The following NRG1 variants were observed in gnomAD, a reference collection of about 807,000 sequenced individuals.
NRG1 encodes neuregulin 1.
In NRG1, 18 loss-of-function variants were observed where a neutral mutation model predicts 63.8. The observed-to-expected ratio is 0.28, with a 90% CI of 0.19 to 0.42. The LOEUF (loss-of-function observed/expected upper bound fraction) is 0.42, where lower values mean the gene tolerates loss of function less well. Among genes scored for constraint, NRG1 ranks in the 10% least tolerant of loss-of-function variants. The pLI is 1.00. For missense variants in NRG1, 762 were observed against 814.7 expected, an observed-to-expected ratio of 0.94 and a Z score of 0.79; for synonymous variants, 302 against 301.3, an observed-to-expected ratio of 1.00 and a Z score of -0.02.
At chr8:31,991,151 G>A (rs185834216) in intron 1 of NRG1, among the ~76,000 whole-genome samples, 8 of 152,118 alleles carry the variant, frequency 5.3e-5, no homozygotes, top group African/African-American at 1.9e-4. Flanking sequence ...AAATGTAAAT[G>A]TCTGTCCTAA....
At chr8:32,356,219 A>G (rs1277782729) in intron 1 of NRG1, among the ~76,000 whole-genome samples, 1 of 152,226 alleles carries the variant, frequency 6.6e-6, no homozygotes, top group African/African-American at 2.4e-5. Flanking sequence ...ACATATGAAG[A>G]GAAATGTTAA....
chr8:32,553,570 A>C (rs1834547702), intron 1 of NRG1, among the ~76,000 whole-genome samples: 1 of 152,186 alleles, frequency 6.6e-6, no homozygotes, highest in East Asian at 1.9e-4. Context: ...TATCTCTGGC[A>C]GAAAAATGTT....
At chr8:31,738,179 A>T (rs1448475929) in intron 1 of NRG1, among the ~76,000 whole-genome samples, 1 of 152,108 alleles carries the variant, frequency 6.6e-6, no homozygotes, top group African/African-American at 2.4e-5. Context: ...AAGTCCTCAT[A>T]GCGGCCACGG....
At chr8:32,340,745 G>T (rs1803969925) in intron 1 of NRG1, among the ~76,000 whole-genome samples, 1 of 152,156 alleles carries the variant, frequency 6.6e-6, no homozygotes, top group African/African-American at 2.4e-5. Context: ...CCTGAGCTGG[G>T]ATTCTAACTC....
intron 1 of NRG1, among the ~76,000 whole-genome samples, chr8:31,675,280 G>A (rs1342761242): frequency 6.6e-6 from 1 of 152,220 alleles, no homozygotes; most frequent in Admixed American, 6.5e-5. Context: ...GGTGGAGGTT[G>A]CAGTGAGCTG....
chr8:31,718,277 C>T (rs1306018005), intron 1 of NRG1, among the ~76,000 whole-genome samples: 2 of 152,124 alleles, frequency 1.3e-5, no homozygotes, highest in African/African-American at 4.8e-5. Flanking sequence ...TCTACATCCC[C>T]TGTCTTTCCC....
chr8:32,043,994 A>G (rs1232483513), intron 1 of NRG1, among the ~76,000 whole-genome samples: 1 of 151,960 alleles, frequency 6.6e-6, no homozygotes, highest in Non-Finnish European at 1.5e-5. Context: ...GGGCCAATTT[A>G]AAGGCTAATG....
chr8:31,945,014 A>T (rs1802326418), intron 1 of NRG1, among the ~76,000 whole-genome samples: 1 of 152,176 alleles, frequency 6.6e-6, no homozygotes. Context: ...AGTGTGCCTT[A>T]TAATTTTCCA....
intron 7 of NRG1, among the ~76,000 whole-genome samples, chr8:32,773,735 G>C (rs62497786): frequency 0.018 from 2,806 of 152,220 alleles, 38 homozygotes; most frequent in Non-Finnish European, 0.031. Flanking sequence ...CTAGAAGACT[G>C]TGTCTAACTT....
chr8:32,746,338 G>C (rs915766981), intron 7 of NRG1, among the ~76,000 whole-genome samples: 1 of 152,084 alleles, frequency 6.6e-6, no homozygotes, highest in African/African-American at 2.4e-5. Context: ...AAATCTCAGC[G>C]GTACAGAAAG....
At chr8:31,753,790 T>C (rs555725684) in intron 1 of NRG1, among the ~76,000 whole-genome samples, 1 of 152,200 alleles carries the variant, frequency 6.6e-6, no homozygotes, top group East Asian at 1.9e-4. Context: ...ATTTCATCCC[T>C]AGATTATTGC....
chr8:31,868,059 C>A (rs537393017), intron 1 of NRG1, among the ~76,000 whole-genome samples: 7 of 151,306 alleles, frequency 4.6e-5, no homozygotes, highest in Admixed American at 3.3e-4. Context: ...AATGTTATTT[C>A]ATTTCTAGAA....
intron 1 of NRG1, among the ~76,000 whole-genome samples, chr8:32,579,195 C>CTTTTTTTTTTTTTTTTTTTTT (rs71208196): frequency 9.5e-6 from 1 of 105,440 alleles, no homozygotes; most frequent in Non-Finnish European, 1.9e-5. Flanking sequence ...TTTCTTCTGT[C>CTTTTTTTTTTTTTTTTTTTTT]TTTTTTTTTT....
chr8:31,811,857 T>C (rs1822921757), intron 1 of NRG1, among the ~76,000 whole-genome samples: 1 of 152,170 alleles, frequency 6.6e-6, no homozygotes, highest in African/African-American at 2.4e-5. Flanking sequence ...ATGGCCCCAC[T>C]GATTTCCTGT....
chr8:32,325,133 A>G (rs551528230), intron 1 of NRG1, among the ~76,000 whole-genome samples: 2 of 152,342 alleles, frequency 1.3e-5, no homozygotes, highest in East Asian at 3.9e-4. Flanking sequence ...ACAAAGAAAG[A>G]AATTCAACAC....
intron 1 of NRG1, among the ~76,000 whole-genome samples, chr8:32,222,990 T>C (rs1471363181): frequency 2.0e-5 from 3 of 152,214 alleles, no homozygotes; most frequent in African/African-American, 7.2e-5. Context: ...ACAATGGCAT[T>C]CTCTCAAAGA....
intron 1 of NRG1, among the ~76,000 whole-genome samples, chr8:32,490,805 G>A (rs1330625184): frequency 1.3e-5 from 2 of 152,044 alleles, no homozygotes; most frequent in East Asian, 3.9e-4. Context: ...AGCCAAGTTT[G>A]AAAAAGAAAG....
At chr8:32,198,194 G>C (rs1382052918) in intron 1 of NRG1, among the ~76,000 whole-genome samples, 1 of 152,018 alleles carries the variant, frequency 6.6e-6, no homozygotes, top group African/African-American at 2.4e-5. Flanking sequence ...TGTTTGTTTT[G>C]TGAGGCAGAA....
chr8:32,355,895 A>G (rs539548364), intron 1 of NRG1, among the ~76,000 whole-genome samples: 1 of 152,306 alleles, frequency 6.6e-6, no homozygotes, highest in East Asian at 1.9e-4. Context: ...GGTCTTCCAG[A>G]TGAAGGAGGG....
Sources: allele counts gnomAD v4.1 joint callset (sites outside exome capture counted in the v4.1 genomes callset), GRCh38; gene constraint gnomAD v4.1.1; transcripts MANE v1.5; gene names NCBI Gene and HGNC (gene_info 2026-07-23, HGNC 2026-07-21).